Variants in SNTB1 observed in about 807,000 individuals in gnomAD.
The protein encoded by SNTB1 is syntrophin beta 1.
Under a neutral mutation model 48.9 loss-of-function variants are expected in SNTB1, and 36 were observed. The observed-to-expected ratio is 0.74, with a 90% CI of 0.56 to 0.97. The LOEUF (loss-of-function observed/expected upper bound fraction) is 0.97, where lower values mean the gene tolerates loss of function less well. Ranked by LOEUF, SNTB1 falls within the 50% of genes least tolerant of loss-of-function variation. SNTB1 has a pLI of 0.00. For missense variants in SNTB1, 786 were observed against 703.4 expected (o/e 1.12, Z -1.33); for synonymous variants, 299 against 294.6 (o/e 1.01, Z -0.15).
At chr8:120,648,328 T>C (rs1359754358) in intron 2 of SNTB1, among the ~76,000 whole-genome samples, 59 of 148,880 alleles carry the variant, frequency 4.0e-4, no homozygotes, top group African/African-American at 9.4e-4. Flanking sequence ...CCATGTTTAG[T>C]GCTTCCTTCA....
intron 4 of SNTB1, among the ~76,000 whole-genome samples, chr8:120,551,108 T>C (rs894908520): frequency 2.0e-5 from 3 of 151,880 alleles, no homozygotes; most frequent in African/African-American, 7.3e-5. Flanking sequence ...ATACAAAAAT[T>C]ATCTGGACAT....
At chr8:120,668,283 C>G (rs1455584892) in intron 2 of SNTB1, among the ~76,000 whole-genome samples, 1 of 152,194 alleles carries the variant, frequency 6.6e-6, no homozygotes, top group African/African-American at 2.4e-5. Flanking sequence ...TCCCATCTCT[C>G]AGGAGTCATT....
chr8:120,755,253 G>A (rs1819299183), intron 1 of SNTB1, among the ~76,000 whole-genome samples: 1 of 151,824 alleles, frequency 6.6e-6, no homozygotes, highest in South Asian at 2.1e-4. Flanking sequence ...AGAAAAGGTA[G>A]GACAATATCC....
chr8:120,754,908 G>A (rs1563591101), intron 1 of SNTB1, among the ~76,000 whole-genome samples: 4 of 152,092 alleles, frequency 2.6e-5, no homozygotes, highest in Non-Finnish European at 4.4e-5. Flanking sequence ...AGGAAAAGAC[G>A]ACAAGCAAGA....
chr8:120,679,586 C>A (rs1817895326), intron 2 of SNTB1, among the ~76,000 whole-genome samples: 1 of 152,200 alleles, frequency 6.6e-6, no homozygotes, highest in Admixed American at 6.5e-5. Flanking sequence ...CCTGCCAATT[C>A]TATCTGTTTA....
At position 120,536,656 on chromosome 8, in the gene SNTB1, T is replaced by G. The variant is rs1815207472; in HGVS notation, c.*2221A>C. 1 of 152,144 alleles carries G rather than the reference T, an allele frequency of 6.6e-6. No individual in the cohort carries two copies. The highest frequency in any genetic ancestry group is 2.4e-5 in the African/African-American group (1 of 41,458). The allele number at this position is 152,144 out of a possible 1,614,324, so 9.4% of individuals were successfully genotyped here. On this transcript the variant is annotated 3_prime_UTR_variant, in exon 7 of 7. Transcript: ENST00000517992. ...ATTTACTCTAGAAAATGCATTAATTTTATTCAAATATATTTTCCTAAAATA... is the reference window on the plus strand; with the variant it reads ...ATTTACTCTAGAAAATGCATTAATTGTATTCAAATATATTTTCCTAAAATA...
chr8:120,717,586 C>A (rs1343549501), intron 1 of SNTB1, among the ~76,000 whole-genome samples: 1 of 152,220 alleles, frequency 6.6e-6, no homozygotes, highest in African/African-American at 2.4e-5. Context: ...CTTTCTTCAT[C>A]ACGGGGAAGC....
chr8:120,610,114 GTTTC>G (rs759516138), intron 3 of SNTB1, among the ~76,000 whole-genome samples: 20 of 152,134 alleles, frequency 1.3e-4, no homozygotes, highest in African/African-American at 7.2e-5. Context: ...TGCACACACA[GTTTC>G]TTTATTATTC....
At chr8:120,648,837 C>A (rs967245831) in intron 2 of SNTB1, among the ~76,000 whole-genome samples, 6 of 152,182 alleles carry the variant, frequency 3.9e-5, no homozygotes, top group Non-Finnish European at 8.8e-5. Context: ...TTCAAATAGT[C>A]CCATATTTCT....
intron 1 of SNTB1, among the ~76,000 whole-genome samples, chr8:120,729,781 A>G (rs1818821387): frequency 6.6e-6 from 1 of 152,252 alleles, no homozygotes; most frequent in African/African-American, 2.4e-5. Flanking sequence ...CTAATTTACC[A>G]TCGACCTCAC....
In SNTB1 at chr8:120,647,531, T is replaced by C. The variant is rs1342762845; in HGVS notation, c.789-14880A>G. Among the ~76,000 whole-genome samples, 5 of 149,166 alleles carry C rather than the reference T, an allele frequency of 3.4e-5. 1 individual carries two copies. The South Asian group carries it at 6.4e-4, about 19-fold the overall frequency. ...TTTGATTGCACTGTGGTCTGAGAGA[T>C]AGTTTGTTATAATTTCTGTTCTTTT... On this transcript the variant is annotated intron_variant, in intron 2 of 6. Transcript: ENST00000517992.
chr8:120,588,044 T>C lies in SNTB1; in HGVS notation c.997-12819A>G, dbSNP rs879301347. Among the ~76,000 whole-genome samples, 5 of 152,178 alleles carry C rather than the reference T, an allele frequency of 3.3e-5. 1 individual carries two copies. The highest frequency in any genetic ancestry group is 7.3e-5 in the Non-Finnish European group (5 of 68,032). On this transcript the variant is annotated intron_variant, in intron 3 of 6. Coordinates refer to ENST00000517992, the MANE Select transcript of SNTB1 (RefSeq NM_021021.4). Reference sequence around the variant, plus strand: ...ATCTTTTGAAAGGGAGATAACATTATTGCTAAATCCAAAAACAGCAGGCTC... The same window carrying C: ...ATCTTTTGAAAGGGAGATAACATTACTGCTAAATCCAAAAACAGCAGGCTC...
At chr8:120,555,378 C>T (rs1390746131) in intron 4 of SNTB1, among the ~76,000 whole-genome samples, 2 of 152,164 alleles carry the variant, frequency 1.3e-5, no homozygotes, top group African/African-American at 4.8e-5. Context: ...AGATTGGTTC[C>T]ATCAGGTATG....
chr8:120,607,981 G>A (rs762206655), intron 3 of SNTB1, among the ~76,000 whole-genome samples: 2 of 152,230 alleles, frequency 1.3e-5, no homozygotes, highest in Non-Finnish European at 2.9e-5. Flanking sequence ...ACAACCACAG[G>A]CTTCTGCCTC....
At chr8:120,621,100 C>T (rs544229845) in intron 3 of SNTB1, among the ~76,000 whole-genome samples, 2 of 152,246 alleles carry the variant, frequency 1.3e-5, no homozygotes, top group South Asian at 4.2e-4. Flanking sequence ...GCTGGGATTA[C>T]AGGCACCCGA....
chr8:120,650,544 C>CA (rs1817396188), intron 2 of SNTB1, among the ~76,000 whole-genome samples: 1 of 152,090 alleles, frequency 6.6e-6, no homozygotes, highest in Non-Finnish European at 1.5e-5. Flanking sequence ...TCAATGAGCT[C>CA]TACTAGCTAA....
intron 3 of SNTB1, among the ~76,000 whole-genome samples, chr8:120,603,421 T>A (rs4510903): frequency 0.92 from 140,574 of 152,290 alleles, 64,960 homozygotes; most frequent in Middle Eastern, 0.96. Context: ...TTTAGTTGTC[T>A]TTCCACACTC....
chr8:120,706,270 T>G (rs1818374607), intron 1 of SNTB1, among the ~76,000 whole-genome samples: 1 of 152,192 alleles, frequency 6.6e-6, no homozygotes, highest in South Asian at 2.1e-4. Flanking sequence ...CTTTCATTCA[T>G]TTCTTGCGCA....
At chr8:120,740,641 C>T (rs1158750925) in intron 1 of SNTB1, among the ~76,000 whole-genome samples, 1 of 152,256 alleles carries the variant, frequency 6.6e-6, no homozygotes, top group East Asian at 1.9e-4. Context: ...CAACAGTCTC[C>T]ATAGCAGCAA....
Sources: allele counts gnomAD v4.1 joint callset (sites outside exome capture counted in the v4.1 genomes callset), GRCh38; gene constraint gnomAD v4.1.1; transcripts MANE v1.5; gene names NCBI Gene and HGNC (gene_info 2026-07-23, HGNC 2026-07-21).